ZNF93: variants seen among roughly 807,000 people sequenced by gnomAD.
The protein encoded by ZNF93 is zinc finger protein 505.
ZNF93 carries 29 observed loss-of-function variants against 45.0 expected under a neutral mutation model. That is an observed-to-expected ratio of 0.64 (90% CI 0.48 to 0.88). The LOEUF (loss-of-function observed/expected upper bound fraction) is 0.88, where lower values mean the gene tolerates loss of function less well. Ranked by LOEUF, ZNF93 falls within the 40% of genes least tolerant of loss-of-function variation. The pLI, the probability that ZNF93 is intolerant of heterozygous loss-of-function variation, is 0.00. For missense variants in ZNF93, 578 were observed against 724.0 expected, an observed-to-expected ratio of 0.80 and a Z score of 2.31; for synonymous variants, 223 against 244.6, an observed-to-expected ratio of 0.91 and a Z score of 0.82.
intron 3 of ZNF93, among the ~76,000 whole-genome samples, chr19:19,923,244 C>A (rs2063346698): frequency 6.6e-6 from 1 of 152,166 alleles, no homozygotes; most frequent in South Asian, 2.1e-4. Context: ...GGCTGCAGAA[C>A]AGCGAATATT....
At chr19:19,912,862 C>G (rs1222564089) in intron 1 of ZNF93, among the ~76,000 whole-genome samples, 2 of 152,222 alleles carry the variant, frequency 1.3e-5, no homozygotes, top group African/African-American at 2.4e-5. Context: ...GTATCATACT[C>G]TAGCACATAG....
In ZNF93 at chr19:19,934,053, G is replaced by A. The variant is rs1442806799; in HGVS notation, c.1098G>A (p.Lys366=). Residue 366 remains lysine, a synonymous_variant, in exon 4 of 4, where the codon AAG becomes AAA. Coordinates refer to ENST00000343769, the MANE Select transcript of ZNF93 (RefSeq NM_031218.4). ...GACATGAGTTCATTCATATGGGAAA[G>A]AAACATTACAAATGTGAAGAATGTG... ...LSRHEFIHMG[K]KHYKCEECGK... The A allele has an allele frequency of 1.9e-6, 3 of 1,613,144 alleles. No homozygotes were observed. The South Asian group carries it at 3.3e-5, about 18-fold the overall frequency.
At chr19:19,911,819 G>T (rs1468160849) in intron 1 of ZNF93, among the ~76,000 whole-genome samples, 1 of 151,328 alleles carries the variant, frequency 6.6e-6, no homozygotes, top group African/African-American at 2.4e-5. Flanking sequence ...GCACGATCTC[G>T]GCTCACTGTA....
intron 3 of ZNF93, chr19:19,927,165 C>A: frequency 2.5e-6 from 1 of 398,362 alleles, no homozygotes; most frequent in South Asian, 1.3e-4. Context: ...GGAGGTCAAG[C>A]CAAGAGGATC....
At chr19:19,918,138 C>T (rs2063330469) in intron 3 of ZNF93, among the ~76,000 whole-genome samples, 1 of 147,226 alleles carries the variant, frequency 6.8e-6, no homozygotes, top group East Asian at 2.1e-4. Context: ...GTGTGATGTT[C>T]TCCTTCCTGT....
intron 1 of ZNF93, chr19:19,909,505 G>C (rs1315933162): frequency 6.6e-6 from 1 of 152,198 alleles, no homozygotes; most frequent in Admixed American, 6.5e-5. Flanking sequence ...TCAGTATCCA[G>C]GTGAATTTAG....
intron 3 of ZNF93, among the ~76,000 whole-genome samples, chr19:19,931,364 T>C (rs1326875265): frequency 6.6e-6 from 1 of 152,018 alleles, no homozygotes; most frequent in Non-Finnish European, 1.5e-5. Flanking sequence ...TAATTTTTTG[T>C]AAGTTTAGTA....
chr19:19,910,870 G>T (rs1056168226), intron 1 of ZNF93, among the ~76,000 whole-genome samples: 3 of 152,134 alleles, frequency 2.0e-5, no homozygotes, highest in African/African-American at 7.2e-5. Flanking sequence ...ATGAACAAAA[G>T]TCATTTTCTG....
At chr19:19,904,252 C>T (rs898288299) in intron 1 of ZNF93, among the ~76,000 whole-genome samples, 10 of 151,248 alleles carry the variant, frequency 6.6e-5, no homozygotes, top group South Asian at 2.1e-4. Context: ...ACACAAAGGA[C>T]GGAGAATTGT....
chr19:19,911,394 C>T (rs2063307519), intron 1 of ZNF93, among the ~76,000 whole-genome samples: 1 of 152,156 alleles, frequency 6.6e-6, no homozygotes, highest in South Asian at 2.1e-4. Flanking sequence ...AATGAGTCAT[C>T]CTGTGTTTGT....
rs113928021 is a variant in ZNF93, at chr19:19,917,443, T to A, written c.226+788T>A. 3.5e-3 allele frequency among the ~76,000 whole-genome samples: 532 copies of A among 152,288 alleles called. 4 individuals are homozygous for A. The highest frequency in any genetic ancestry group is 0.012 in the African/African-American group (512 of 41,576). ...TAATTTTTTTCCCAGTAGTTTTTTT[T>A]AATGCTACATTAAATAAGATTTTTC... On this transcript the variant is annotated intron_variant, in intron 3 of 3. Coordinates refer to ENST00000343769, the MANE Select transcript of ZNF93 (RefSeq NM_031218.4).
At chr19:19,920,125 A>G (rs1244561884) in intron 3 of ZNF93, among the ~76,000 whole-genome samples, 2 of 152,200 alleles carry the variant, frequency 1.3e-5, no homozygotes, top group Admixed American at 1.3e-4. Context: ...GATACATCCC[A>G]TCAATACCTA....
intron 3 of ZNF93, among the ~76,000 whole-genome samples, chr19:19,930,183 C>G (rs1445253475): frequency 6.6e-6 from 1 of 151,172 alleles, no homozygotes; most frequent in African/African-American, 2.5e-5. Context: ...GGGCCCTTCC[C>G]TGCCTGGCAG....
At chr19:19,913,146 A>G (rs576105614) in intron 1 of ZNF93, among the ~76,000 whole-genome samples, 4 of 152,294 alleles carry the variant, frequency 2.6e-5, no homozygotes, top group South Asian at 4.1e-4. Context: ...TTGACAGGGG[A>G]CTTGTTTAAA....
In ZNF93 at chr19:19,935,299, AAGGTGGACTAT is replaced by A. The variant is rs546933325; in HGVS notation, c.*484_*494del. On this transcript the variant is annotated 3_prime_UTR_variant, in exon 4 of 4. Coordinates refer to ENST00000343769, the MANE Select transcript of ZNF93 (RefSeq NM_031218.4). ...CCAACCCCCTCTAACAAGCCAGCTAAAGGTGGACTATAGTGCAGACCCAGCAACCTTGTGAC... is the reference window on the plus strand; with the variant it reads ...CCAACCCCCTCTAACAAGCCAGCTAAAGTGCAGACCCAGCAACCTTGTGAC... 13 of 161,222 alleles carry A rather than the reference AAGGTGGACTAT, an allele frequency of 8.1e-5. No homozygotes were observed. The highest frequency in any genetic ancestry group is 1.4e-4 in the Non-Finnish European group (10 of 73,480). The allele number at this position is 161,222 out of a possible 1,614,324, so 10.0% of individuals were successfully genotyped here.
intron 1 of ZNF93, chr19:19,914,618 A>T (rs2063318324): frequency 5.2e-6 from 1 of 192,858 alleles, no homozygotes; most frequent in Non-Finnish European, 1.1e-5. Flanking sequence ...ATTATTAAGC[A>T]TCCTTATCCA....
chr19:19,907,251 T>C lies in ZNF93; in HGVS notation c.3+6160T>C, dbSNP rs2063295595. ...CAGATTTGTTTAGATAAAAGCTCAT[T>C]TTAGGAGCACACAGAAGCTTAGCAC... On this transcript the variant is annotated intron_variant, in intron 1 of 3. Coordinates refer to ENST00000343769, the MANE Select transcript of ZNF93 (RefSeq NM_031218.4). Among the ~76,000 whole-genome samples, 4 of 152,112 alleles carry C rather than the reference T, an allele frequency of 2.6e-5. No homozygotes were observed. The South Asian group carries it at 8.3e-4, about 32-fold the overall frequency.
chr19:19,929,698 G>A (rs2122193783), intron 3 of ZNF93, among the ~76,000 whole-genome samples: 1 of 152,092 alleles, frequency 6.6e-6, no homozygotes, highest in East Asian at 1.9e-4. Flanking sequence ...CAGCACTTTG[G>A]GAGGCCGAGG....
intron 1 of ZNF93, among the ~76,000 whole-genome samples, chr19:19,903,297 TA>T (rs1399294616): frequency 6.6e-6 from 1 of 152,156 alleles, no homozygotes; most frequent in Non-Finnish European, 1.5e-5. Context: ...AGTCAGATTT[TA>T]CATCAGAGAA....
Sources: allele counts gnomAD v4.1 joint callset (sites outside exome capture counted in the v4.1 genomes callset), GRCh38; gene constraint gnomAD v4.1.1; transcripts MANE v1.5; gene names NCBI Gene and HGNC (gene_info 2026-07-23, HGNC 2026-07-21).